BAZ2B: variants seen among roughly 807,000 people sequenced by gnomAD.
The protein encoded by BAZ2B is bromodomain adjacent to zinc finger domain protein 2B.
BAZ2B carries 91 observed loss-of-function variants against 246.0 expected under a neutral mutation model. That is an observed-to-expected ratio of 0.37 (90% confidence interval 0.31 to 0.44). The LOEUF (loss-of-function observed/expected upper bound fraction) is 0.44, where lower values mean the gene tolerates loss of function less well. BAZ2B is among the 20% of genes least tolerant of loss of function. BAZ2B has a pLI of 1.00. For missense variants in BAZ2B, 2,332 were observed against 2,533.7 expected (o/e 0.92, Z 1.71); for synonymous variants, 855 against 860.0 (o/e 0.99, Z 0.10).
At chr2:159,602,073 G>T (rs185562293) in intron 1 of BAZ2B, among the ~76,000 whole-genome samples, 6 of 152,180 alleles carry the variant, frequency 3.9e-5, no homozygotes, top group African/African-American at 1.4e-4. Flanking sequence ...TCTTCTGGAA[G>T]AAAAATAAGT....
At chr2:159,408,623 G>GA (rs1450246925) in intron 14 of BAZ2B, among the ~76,000 whole-genome samples, 2 of 151,864 alleles carry the variant, frequency 1.3e-5, no homozygotes, top group African/African-American at 2.4e-5. Context: ...AAGATGATGT[G>GA]AAAAAAAGAA....
the BAZ2B span, among the ~76,000 whole-genome samples, chr2:159,671,347 C>T: frequency 1.3e-5 from 2 of 152,096 alleles, no homozygotes; most frequent in Non-Finnish European, 2.9e-5. Context: ...AAAAAAAATG[C>T]ATGCAAGGGT....
At chr2:159,374,493 G>A (rs993742105) in intron 26 of BAZ2B, among the ~76,000 whole-genome samples, 198 bp downstream of exon 26, 12 of 152,080 alleles carry the variant, frequency 7.9e-5, no homozygotes, top group African/African-American at 2.7e-4. Flanking sequence ...CATTAAGCTT[G>A]TAAAGTTCAA....
At chr2:159,345,327 A>C (rs2067598294) in intron 31 of BAZ2B, among the ~76,000 whole-genome samples, 1 of 120,962 alleles carries the variant, frequency 8.3e-6, no homozygotes, top group African/African-American at 3.0e-5. Context: ...TAGCTAAAGG[A>C]GGATATTATT....
At chr2:159,701,375 A>G in the BAZ2B span, among the ~76,000 whole-genome samples, 1 of 151,832 alleles carries the variant, frequency 6.6e-6, no homozygotes, top group East Asian at 1.9e-4. Flanking sequence ...AGGCCACTCT[A>G]ATGTATTTCT....
At chr2:159,567,834 T>C (rs1201531958) in intron 1 of BAZ2B, among the ~76,000 whole-genome samples, 2 of 152,092 alleles carry the variant, frequency 1.3e-5, no homozygotes, top group African/African-American at 4.8e-5. Flanking sequence ...TAGCTGGGCA[T>C]GGTGGCACGC....
chr2:159,682,235 C>G, the BAZ2B span, among the ~76,000 whole-genome samples: 1 of 146,280 alleles, frequency 6.8e-6, no homozygotes, highest in Admixed American at 6.9e-5. Context: ...CTCTCTCACT[C>G]AGGCTGGACC....
chr2:159,585,258 C>T (rs1687774123), intron 1 of BAZ2B, among the ~76,000 whole-genome samples: 2 of 152,118 alleles, frequency 1.3e-5, no homozygotes, highest in South Asian at 4.1e-4. Context: ...GTAGAGAAGT[C>T]AAGAAGACAA....
At chr2:159,631,306 T>C in the BAZ2B span, among the ~76,000 whole-genome samples, 1 of 152,242 alleles carries the variant, frequency 6.6e-6, no homozygotes, top group South Asian at 2.1e-4. Context: ...AAAATGTATG[T>C]ATTAGAATGA....
At chr2:159,501,424 C>A (rs2081824236) in intron 2 of BAZ2B, among the ~76,000 whole-genome samples, 1 of 147,976 alleles carries the variant, frequency 6.8e-6, no homozygotes, top group Middle Eastern at 3.4e-3. Context: ...TACACACACA[C>A]TGTGTGTGTG....
chr2:159,602,480 AC>A (rs1175505864), intron 1 of BAZ2B, among the ~76,000 whole-genome samples: 3 of 152,162 alleles, frequency 2.0e-5, no homozygotes, highest in Non-Finnish European at 2.9e-5. Flanking sequence ...AACACTCAAA[AC>A]ATTACTTCCT....
chr2:159,521,341 A>C (rs1433792759), intron 2 of BAZ2B, among the ~76,000 whole-genome samples: 1 of 152,118 alleles, frequency 6.6e-6, no homozygotes, highest in African/African-American at 2.4e-5. Context: ...AATATTATTC[A>C]ATTTTCTTTC....
the BAZ2B span, among the ~76,000 whole-genome samples, chr2:159,709,666 A>G: frequency 6.6e-6 from 1 of 152,252 alleles, no homozygotes; most frequent in Non-Finnish European, 1.5e-5. Flanking sequence ...TGCAAAGTAA[A>G]GGATATCTCT....
rs547645823 is a variant in BAZ2B at position 159,488,716 on chromosome 2, GAACT to G, written c.-2-9999_-2-9996del. Among the ~76,000 whole-genome samples the G allele has an allele frequency of 2.0e-5, 3 of 152,116 alleles. No homozygotes were observed. The South Asian group carries it at 6.2e-4, about 32-fold the overall frequency. ...CCATTTTCTGTTTTTTTAGGGGGAA[GAACT>G]AACCTTAAAATTTATATTTAGCATA... On this transcript the variant is annotated intron_variant, in intron 2 of 36. Coordinates refer to ENST00000392783, the MANE Select transcript of BAZ2B (RefSeq NM_013450.4).
At chr2:159,467,886 T>G (rs962430580) in intron 3 of BAZ2B, among the ~76,000 whole-genome samples, 2 of 152,168 alleles carry the variant, frequency 1.3e-5, no homozygotes, top group Non-Finnish European at 2.9e-5. Context: ...CTAAATCACA[T>G]AGTTATAACT....
At chr2:159,347,984 C>T (rs530287103) in intron 30 of BAZ2B, among the ~76,000 whole-genome samples, 1 of 152,106 alleles carries the variant, frequency 6.6e-6, no homozygotes, top group Admixed American at 6.5e-5. Context: ...CCCCTCTGCC[C>T]CCATGAATAC....
At chr2:159,463,432 T>G (rs2076650664) in intron 3 of BAZ2B, 1 of 175,706 alleles carries the variant, frequency 5.7e-6, no homozygotes, top group African/African-American at 2.4e-5. Context: ...GGTAATTCTA[T>G]TTTTAGTTTT....
At chr2:159,424,147 A>G (rs2069321193) in intron 13 of BAZ2B, among the ~76,000 whole-genome samples, 1 of 152,194 alleles carries the variant, frequency 6.6e-6, no homozygotes, top group Admixed American at 6.5e-5. Context: ...TTTTTCAATT[A>G]TGGGCTTTTT....
At chr2:159,357,895 C>A (rs1304459734) in intron 27 of BAZ2B, among the ~76,000 whole-genome samples, 1 of 152,134 alleles carries the variant, frequency 6.6e-6, no homozygotes, top group East Asian at 1.9e-4. Flanking sequence ...AAATAAAATC[C>A]CTTACAGACA....
Sources: gnomAD v4.1 joint callset for allele counts (sites outside exome capture counted in the v4.1 genomes callset) on GRCh38, gnomAD v4.1.1 for gene constraint, MANE v1.5 for transcripts, NCBI Gene and HGNC (gene_info 2026-07-23, HGNC 2026-07-21) for gene names.